DCC: variants seen among roughly 807,000 people sequenced by gnomAD.
DCC encodes the protein DCC netrin 1 receptor, also known as netrin receptor DCC.
A neutral mutation model predicts 172.5 loss-of-function variants in DCC; 58 were observed. The ratio of observed to expected loss-of-function variants is 0.34; its 90% CI spans 0.27 to 0.42. DCC has a LOEUF of 0.42. Among genes scored for constraint, DCC ranks in the 10% least tolerant of loss-of-function variants. The pLI is 1.00. For missense variants in DCC, 1,740 were observed against 1,791.0 expected (o/e 0.97, Z 0.51); for synonymous variants, 709 against 644.5 (o/e 1.10, Z -1.52).
At chr18:52,589,702 T>C (rs2033755555) in intron 1 of DCC, among the ~76,000 whole-genome samples, 1 of 152,178 alleles carries the variant, frequency 6.6e-6, no homozygotes, top group Admixed American at 6.5e-5. Context: ...CTTTTTCTGT[T>C]TATAGTGCCA....
chr18:53,273,991 G>A (rs1034824569), intron 12 of DCC, among the ~76,000 whole-genome samples: 2 of 152,030 alleles, frequency 1.3e-5, no homozygotes, highest in Non-Finnish European at 2.9e-5. Flanking sequence ...TAATTAAGCA[G>A]TGTGGAAAAG....
intron 2 of DCC, among the ~76,000 whole-genome samples, chr18:52,843,884 C>T (rs1298244239): frequency 6.6e-6 from 1 of 152,016 alleles, no homozygotes; most frequent in Non-Finnish European, 1.5e-5. Context: ...AAGAGGGGAC[C>T]CACTGTGGGC....
At chr18:52,341,992 G>C (rs1294459965) in intron 1 of DCC, among the ~76,000 whole-genome samples, 3 of 152,150 alleles carry the variant, frequency 2.0e-5, no homozygotes, top group Non-Finnish European at 4.4e-5. Flanking sequence ...AAATTAACAG[G>C]GAATGGCACA....
intron 1 of DCC, among the ~76,000 whole-genome samples, chr18:52,505,996 C>T (rs2031216588): frequency 1.3e-5 from 2 of 152,082 alleles, no homozygotes; most frequent in South Asian, 4.1e-4. Flanking sequence ...CACATGTCAC[C>T]ATGTTCACAG....
At chr18:52,729,756 T>G (rs937554506) in intron 1 of DCC, among the ~76,000 whole-genome samples, 8 of 152,350 alleles carry the variant, frequency 5.3e-5, no homozygotes, top group Admixed American at 5.2e-4. Flanking sequence ...AGAATGGATA[T>G]TTAAGAAGCA....
intron 1 of DCC, among the ~76,000 whole-genome samples, chr18:52,618,805 C>T (rs1378433183): frequency 6.6e-6 from 1 of 152,200 alleles, no homozygotes. Context: ...TTAATTCAGA[C>T]AGAGCTTTGG....
intron 1 of DCC, among the ~76,000 whole-genome samples, chr18:52,702,863 C>T (rs1009460429): frequency 6.6e-6 from 1 of 152,132 alleles, no homozygotes; most frequent in Non-Finnish European, 1.5e-5. Context: ...CCCTGGGCCT[C>T]CATATTAGAA....
intron 7 of DCC, among the ~76,000 whole-genome samples, chr18:53,070,949 C>G (rs142017005): frequency 7.2e-4 from 109 of 152,296 alleles, no homozygotes; most frequent in African/African-American, 2.6e-3. Context: ...ATGAGGCTGA[C>G]CATGGTGGGA....
chr18:52,762,618 GT>G (rs2037181234), intron 2 of DCC, among the ~76,000 whole-genome samples: 1 of 152,162 alleles, frequency 6.6e-6, no homozygotes, highest in African/African-American at 2.4e-5. Context: ...AAAGACAGGA[GT>G]TTGAGACCAG....
chr18:53,207,401 G>C (rs950477423), intron 10 of DCC, among the ~76,000 whole-genome samples: 1 of 152,096 alleles, frequency 6.6e-6, no homozygotes, highest in Non-Finnish European at 1.5e-5. Context: ...GTTTAGGTGT[G>C]GGTAGAATAA....
chr18:53,322,166 T>G lies in DCC; in HGVS notation c.2164+9T>G, dbSNP rs1404802333. 7.5e-7 allele frequency: 1 copy of G among 1,327,146 alleles called. No individual in the cohort carries two copies. The highest frequency in any genetic ancestry group is 1.1e-6 in the Non-Finnish European group (1 of 917,702). 82.2% of individuals were successfully genotyped at this position (1,327,146 alleles called of 1,614,324 possible). On this transcript the variant is annotated intron_variant, in intron 14 of 28. Transcript: ENST00000442544. Reference sequence around the variant, plus strand: ...AGAGAATGATCTAGATGGTAAGACTTTTTCCCAGTTACTATCACTCTGATT... The same window carrying G: ...AGAGAATGATCTAGATGGTAAGACTGTTTCCCAGTTACTATCACTCTGATT...
chr18:52,530,244 C>T (rs558577169), intron 1 of DCC, among the ~76,000 whole-genome samples: 82 of 152,192 alleles, frequency 5.4e-4, no homozygotes, highest in African/African-American at 1.8e-3. Context: ...TACACACACA[C>T]GCACACACAC....
At chr18:52,353,005 A>T (rs1984193070) in intron 1 of DCC, among the ~76,000 whole-genome samples, 1 of 152,172 alleles carries the variant, frequency 6.6e-6, no homozygotes, top group South Asian at 2.1e-4. Flanking sequence ...CCTTGCCTCT[A>T]TTCTTCACAA....
At chr18:53,217,523 T>C (rs564860829) in intron 12 of DCC, among the ~76,000 whole-genome samples, 12 of 152,248 alleles carry the variant, frequency 7.9e-5, no homozygotes, top group South Asian at 4.1e-4. Flanking sequence ...CTCTCTCCTT[T>C]TTCTCTCTCT....
intron 1 of DCC, among the ~76,000 whole-genome samples, chr18:52,488,985 A>G (rs2030364987): frequency 1.3e-5 from 2 of 151,936 alleles, no homozygotes; most frequent in Admixed American, 1.3e-4. Context: ...TTTCTTCATC[A>G]TCTTTTTTAG....
At chr18:52,730,784 GT>G (rs1437245304) in intron 1 of DCC, among the ~76,000 whole-genome samples, 1 of 152,186 alleles carries the variant, frequency 6.6e-6, no homozygotes, top group Non-Finnish European at 1.5e-5. Flanking sequence ...GAGGGGCTAT[GT>G]ATGAGGCCTT....
At chr18:52,607,890 T>C (rs1243205790) in intron 1 of DCC, among the ~76,000 whole-genome samples, 1 of 152,012 alleles carries the variant, frequency 6.6e-6, no homozygotes. Flanking sequence ...AACACTTGAG[T>C]AGGGCCTTGA....
intron 8 of DCC, among the ~76,000 whole-genome samples, chr18:53,176,416 C>T (rs1325810111): frequency 6.8e-6 from 1 of 146,760 alleles, no homozygotes; most frequent in Non-Finnish European, 1.5e-5. Context: ...AGAAAATTTT[C>T]ACAACCTACT....
intron 1 of DCC, among the ~76,000 whole-genome samples, chr18:52,735,737 G>A (rs189200748): frequency 8.7e-4 from 133 of 152,220 alleles, no homozygotes; most frequent in Admixed American, 3.3e-3. Context: ...CAGCTGATTA[G>A]ATGGTGCCCA....
Sources: gnomAD v4.1 joint callset for allele counts (sites outside exome capture counted in the v4.1 genomes callset) on GRCh38, gnomAD v4.1.1 for gene constraint, MANE v1.5 for transcripts, NCBI Gene and HGNC (gene_info 2026-07-23, HGNC 2026-07-21) for gene names.